Variants in SH3RF3 observed in about 807,000 individuals in gnomAD.
SH3RF3 encodes SH3 domain containing ring finger 3.
SH3RF3 carries 29 observed loss-of-function variants against 66.3 expected under a neutral mutation model. That is an observed-to-expected ratio of 0.44 (90% CI 0.33 to 0.60). The LOEUF is 0.60. Ranked by LOEUF, SH3RF3 falls within the 20% of genes least tolerant of loss-of-function variation. SH3RF3 has a pLI of 0.04. For synonymous variants in SH3RF3, 583 were observed against 532.0 expected, an observed-to-expected ratio of 1.10 and a Z score of -1.32; for missense variants, 1,194 against 1,190.9, an observed-to-expected ratio of 1.00 and a Z score of -0.04.
chr2:109,241,081 G>T (rs1679770444), intron 1 of SH3RF3, among the ~76,000 whole-genome samples: 2 of 152,198 alleles, frequency 1.3e-5, no homozygotes, highest in African/African-American at 4.8e-5. Context: ...AGTGGCCTTA[G>T]TAGTAAGCTC....
At chr2:109,220,729 C>T (rs1679209660) in intron 1 of SH3RF3, among the ~76,000 whole-genome samples, 1 of 129,352 alleles carries the variant, frequency 7.7e-6, no homozygotes, top group South Asian at 2.4e-4. Flanking sequence ...ACCATTCCCA[C>T]CTGTTAGAAG....
At chr2:109,399,117 T>C (rs901996037) in intron 4 of SH3RF3, among the ~76,000 whole-genome samples, 174 bp downstream of exon 4, 7 of 152,022 alleles carry the variant, frequency 4.6e-5, no homozygotes, top group Non-Finnish European at 8.8e-5. Flanking sequence ...CCTAGAAGCG[T>C]GGAGAATGGT....
intron 1 of SH3RF3, among the ~76,000 whole-genome samples, chr2:109,236,823 C>T (rs534034932): frequency 6.6e-6 from 1 of 152,172 alleles, no homozygotes; most frequent in Non-Finnish European, 1.5e-5. Context: ...AGAGGACTCT[C>T]CTCAGAGATC....
At chr2:109,159,047 G>A (rs1156575610) in intron 1 of SH3RF3, among the ~76,000 whole-genome samples, 1 of 152,230 alleles carries the variant, frequency 6.6e-6, no homozygotes, top group Admixed American at 6.5e-5. Flanking sequence ...AACCCAGGAG[G>A]CAGAGGGTGC....
chr2:109,290,840 T>TC (rs2105366066), intron 1 of SH3RF3, among the ~76,000 whole-genome samples: 1 of 152,370 alleles, frequency 6.6e-6, no homozygotes, highest in East Asian at 1.9e-4. Flanking sequence ...ATCTTTTCCA[T>TC]CCCTGATTTA....
At chr2:109,362,706 A>G (rs926899390) in intron 2 of SH3RF3, among the ~76,000 whole-genome samples, 5 of 152,088 alleles carry the variant, frequency 3.3e-5, no homozygotes, top group Non-Finnish European at 7.4e-5. Context: ...GGATTCATCT[A>G]CTTCTCCTTC....
chr2:109,424,380 C>T (rs1194917812), intron 5 of SH3RF3, among the ~76,000 whole-genome samples: 1 of 152,220 alleles, frequency 6.6e-6, no homozygotes, highest in Non-Finnish European at 1.5e-5. Flanking sequence ...CATCCCTGGA[C>T]CCTGTCCAGT....
At chr2:109,187,398 G>C (rs1479178880) in intron 1 of SH3RF3, among the ~76,000 whole-genome samples, 1 of 151,230 alleles carries the variant, frequency 6.6e-6, no homozygotes, top group East Asian at 1.9e-4. Context: ...AAAAAGCTAA[G>C]ATGGTGCTTA....
intron 1 of SH3RF3, among the ~76,000 whole-genome samples, chr2:109,296,793 A>T (rs944768260): frequency 2.0e-5 from 3 of 152,198 alleles, no homozygotes; most frequent in Admixed American, 6.5e-5. Flanking sequence ...GGCAGTGGTC[A>T]GCTGGGGACA....
intron 1 of SH3RF3, among the ~76,000 whole-genome samples, chr2:109,193,473 A>C (rs1207086456): frequency 6.6e-6 from 1 of 152,142 alleles, no homozygotes; most frequent in Admixed American, 6.5e-5. Flanking sequence ...GGGTCTCCCT[A>C]TTCTGGGCTT....
chr2:109,215,580 C>T (rs1021623000), intron 1 of SH3RF3, among the ~76,000 whole-genome samples: 2 of 152,060 alleles, frequency 1.3e-5, no homozygotes, highest in African/African-American at 2.4e-5. Flanking sequence ...TAGTTTTTTG[C>T]CTGTGATGAG....
chr2:109,260,071 C>G (rs1262782169), intron 1 of SH3RF3, among the ~76,000 whole-genome samples: 2 of 152,046 alleles, frequency 1.3e-5, no homozygotes, highest in East Asian at 3.8e-4. Flanking sequence ...TTATCTCAAC[C>G]CTGGGAATAC....
intron 1 of SH3RF3, among the ~76,000 whole-genome samples, chr2:109,132,651 T>A (rs1676725470): frequency 6.6e-6 from 1 of 152,248 alleles, no homozygotes; most frequent in Non-Finnish European, 1.5e-5. Context: ...CTTCTTAAAG[T>A]GTGTTCATAT....
intron 1 of SH3RF3, among the ~76,000 whole-genome samples, chr2:109,172,300 C>T (rs558781925): frequency 6.6e-6 from 1 of 152,372 alleles, no homozygotes; most frequent in African/African-American, 2.4e-5. Flanking sequence ...TGTTTCTCTC[C>T]TGACAAGGAC....
intron 1 of SH3RF3, among the ~76,000 whole-genome samples, chr2:109,306,329 T>C (rs1864476): frequency 0.31 from 47,240 of 152,052 alleles, 9,056 homozygotes; most frequent in African/African-American, 0.54. Context: ...CTGACCCCTG[T>C]GTGTCCCTGC....
At position 109,390,769 on chromosome 2, in the gene SH3RF3, G is replaced by A. The variant is rs189701235; in HGVS notation, c.946-7821G>A. Reference sequence around the variant, plus strand: ...TTGGTTTTGAGGGCTGGCTTGTGGGGCCTCACAGGGGCGGTCGCTTCCCGG... The same window carrying A: ...TTGGTTTTGAGGGCTGGCTTGTGGGACCTCACAGGGGCGGTCGCTTCCCGG... On this transcript the variant is annotated intron_variant, in intron 3 of 9. Transcript: ENST00000309415. 6.5e-3 allele frequency among the ~76,000 whole-genome samples: 994 copies of A among 152,294 alleles called. 11 individuals carry two copies. Among genetic ancestry groups the A allele is most frequent in the East Asian group, 0.052 (272 of 5,184 alleles).
At chr2:109,262,873 T>C (rs942199846) in intron 1 of SH3RF3, among the ~76,000 whole-genome samples, 13 of 152,250 alleles carry the variant, frequency 8.5e-5, no homozygotes, top group Non-Finnish European at 1.3e-4. Context: ...TCCTCTGTTG[T>C]CCAGGCTGGA....
intron 4 of SH3RF3, among the ~76,000 whole-genome samples, chr2:109,416,741 A>G (rs1676733691): frequency 6.6e-6 from 1 of 151,782 alleles, no homozygotes; most frequent in African/African-American, 2.4e-5. Flanking sequence ...ATACAACAAC[A>G]ACAACGAACA....
chr2:109,339,585 T>A (rs1052593888), intron 1 of SH3RF3, among the ~76,000 whole-genome samples: 2 of 152,030 alleles, frequency 1.3e-5, no homozygotes, highest in Non-Finnish European at 2.9e-5. Flanking sequence ...CCCTGGAGGG[T>A]GCCTGGGTGG....
Sources: gnomAD v4.1 joint callset for allele counts (sites outside exome capture counted in the v4.1 genomes callset) on GRCh38, gnomAD v4.1.1 for gene constraint, MANE v1.5 for transcripts, NCBI Gene and HGNC (gene_info 2026-07-23, HGNC 2026-07-21) for gene names.